The following TUBA1C variants were observed in gnomAD, a reference collection of about 807,000 sequenced individuals.
TUBA1C encodes the protein tubulin alpha-1C chain.
In TUBA1C, 16 loss-of-function variants were observed where a neutral mutation model predicts 34.9. That is an observed-to-expected ratio of 0.46 (90% CI 0.31 to 0.70). The LOEUF (loss-of-function observed/expected upper bound fraction) is 0.70. Ranked by LOEUF, TUBA1C falls within the 30% of genes least tolerant of loss-of-function variation. The probability of loss-of-function intolerance (pLI) is 0.05; values close to 1 mark genes in which losing one functional copy is unlikely to be tolerated. For missense variants in TUBA1C, 329 were observed against 587.3 expected, an observed-to-expected ratio of 0.56 and a Z score of 4.55; for synonymous variants, 177 against 215.9, an observed-to-expected ratio of 0.82 and a Z score of 1.58.
chr12:49,245,859 C>T (rs1942661815), intron 1 of TUBA1C, among the ~76,000 whole-genome samples: 1 of 152,202 alleles, frequency 6.6e-6, no homozygotes, highest in South Asian at 2.1e-4. Flanking sequence ...TAAACTTCTA[C>T]ACATTTACAG....
intron 1 of TUBA1C, among the ~76,000 whole-genome samples, chr12:49,268,473 C>T (rs1456678247): frequency 6.6e-6 from 1 of 151,800 alleles, no homozygotes; most frequent in Non-Finnish European, 1.5e-5. Flanking sequence ...AAACTCCTGA[C>T]CTCAAGTGAT....
At chr12:49,270,939 A>G (rs1014102661) in intron 3 of TUBA1C, among the ~76,000 whole-genome samples, 25 of 152,196 alleles carry the variant, frequency 1.6e-4, no homozygotes, top group African/African-American at 5.8e-4. Flanking sequence ...AGATCGTGCC[A>G]CTGCACTCCA....
chr12:49,235,046 G>A (rs1430497631), intron 1 of TUBA1C, among the ~76,000 whole-genome samples: 1 of 150,370 alleles, frequency 6.7e-6, no homozygotes, highest in Non-Finnish European at 1.5e-5. Context: ...TCGAATTCCT[G>A]TCCTCGTGAT....
At position 49,259,300 on chromosome 12, in the gene TUBA1C, C is replaced by T. The variant is rs1038980012; in HGVS notation, c.214-10165C>T. 7.3e-5 allele frequency among the ~76,000 whole-genome samples: 11 copies of T among 151,476 alleles called. 1 individual carries two copies. Among genetic ancestry groups the T allele is most frequent in the East Asian group, 3.9e-4 (2 of 5,142 alleles). ...CAGGCTGGAATGCAGTGTGCGATCT[C>T]GGCTCACTGCAACCTCTGCCTCCCG... On this transcript the variant is annotated intron_variant, in intron 1 of 3. Coordinates refer to the TUBA1C transcript ENST00000541364.
chr12:49,256,062 G>A (rs1398350290), intron 1 of TUBA1C, among the ~76,000 whole-genome samples: 1 of 152,170 alleles, frequency 6.6e-6, no homozygotes, highest in Non-Finnish European at 1.5e-5. Context: ...CTACAGTGGT[G>A]CCACTGCACT....
chr12:49,249,453 G>T (rs1435247448), intron 1 of TUBA1C, among the ~76,000 whole-genome samples: 2 of 151,916 alleles, frequency 1.3e-5, no homozygotes, highest in East Asian at 1.9e-4. Flanking sequence ...ATAAACAAAA[G>T]ATCAAACTAA....
intron 3 of TUBA1C, among the ~76,000 whole-genome samples, chr12:49,270,570 G>A (rs1435520346): frequency 6.6e-6 from 1 of 152,184 alleles, no homozygotes; most frequent in Non-Finnish European, 1.5e-5. Flanking sequence ...ATTGTATTAA[G>A]CCCAGCCATG....
intron 1 of TUBA1C, among the ~76,000 whole-genome samples, chr12:49,268,582 CT>C (rs1942947234): frequency 6.6e-6 from 1 of 152,070 alleles, no homozygotes; most frequent in African/African-American, 2.4e-5. Context: ...CATTTCTAGC[CT>C]TTATTATTAT....
intron 1 of TUBA1C, chr12:49,228,170 A>C: frequency 1.3e-6 from 2 of 1,535,664 alleles, no homozygotes; most frequent in African/African-American, 2.7e-5. Flanking sequence ...TTCAAAGGTA[A>C]GGCTGTAATA....
intron 1 of TUBA1C, among the ~76,000 whole-genome samples, chr12:49,240,888 C>A (rs1401015435): frequency 6.6e-6 from 1 of 151,822 alleles, no homozygotes; most frequent in Non-Finnish European, 1.5e-5. Context: ...TAGCCACTGC[C>A]CCCAGCCCAT....
chr12:49,268,513 G>T (rs1265456330), intron 1 of TUBA1C, among the ~76,000 whole-genome samples: 1 of 152,116 alleles, frequency 6.6e-6, no homozygotes, highest in East Asian at 1.9e-4. Flanking sequence ...AAAGTGCTGG[G>T]ATTACAGGTG....
intron 1 of TUBA1C, among the ~76,000 whole-genome samples, chr12:49,244,670 A>G (rs191800121): frequency 2.0e-5 from 3 of 152,202 alleles, no homozygotes; most frequent in African/African-American, 7.2e-5. Context: ...AGTACATCAT[A>G]ATAAGGCATA....
upstream of TUBA1C, among the ~76,000 whole-genome samples, chr12:49,263,783 C>T (rs909832855): frequency 2.6e-5 from 4 of 152,148 alleles, no homozygotes; most frequent in Admixed American, 6.5e-5. Flanking sequence ...CAGAGATGGT[C>T]AGAGAGGCAC....
chr12:49,270,760 C>T (rs796476528), intron 3 of TUBA1C, among the ~76,000 whole-genome samples: 3 of 152,278 alleles, frequency 2.0e-5, no homozygotes, highest in African/African-American at 7.2e-5. Flanking sequence ...GTGGGCGGAT[C>T]ATGAGGTCAG....
intron 1 of TUBA1C, among the ~76,000 whole-genome samples, chr12:49,257,162 A>G (rs112188339): frequency 9.2e-5 from 14 of 151,892 alleles, no homozygotes; most frequent in South Asian, 4.2e-4. Context: ...AAAAAAAAAA[A>G]AAAAGAAGAC....
At chr12:49,235,155 A>C (rs1257866737) in intron 1 of TUBA1C, among the ~76,000 whole-genome samples, 1 of 152,154 alleles carries the variant, frequency 6.6e-6, no homozygotes, top group Admixed American at 6.5e-5. Context: ...GCGTAATCAA[A>C]AAGTCTTTTA....
At chr12:49,266,062 G>A (rs1291869747) in intron 1 of TUBA1C, among the ~76,000 whole-genome samples, 1 of 149,242 alleles carries the variant, frequency 6.7e-6, no homozygotes, top group Non-Finnish European at 1.5e-5. Flanking sequence ...CCCAGGAGGC[G>A]TAGGTTTCCC....
At chr12:49,266,042 A>G (rs183900429) in intron 1 of TUBA1C, among the ~76,000 whole-genome samples, 1 of 149,806 alleles carries the variant, frequency 6.7e-6, no homozygotes, top group African/African-American at 2.5e-5. Context: ...AGGCAGGAAA[A>G]TCGCTTGAAC....
chr12:49,250,064 G>A (rs1410106176), intron 1 of TUBA1C, among the ~76,000 whole-genome samples: 1 of 151,958 alleles, frequency 6.6e-6, no homozygotes, highest in Non-Finnish European at 1.5e-5. Context: ...CAGGTGTGGT[G>A]GCGGGTGCCT....
Sources: allele counts gnomAD v4.1 joint callset (sites outside exome capture counted in the v4.1 genomes callset), GRCh38; gene constraint gnomAD v4.1.1; transcripts MANE v1.5; gene names NCBI Gene and HGNC (gene_info 2026-07-23, HGNC 2026-07-21).